Variants in VTA1 observed in about 807,000 individuals in gnomAD.
VTA1 encodes the protein vacuolar protein sorting-associated protein VTA1 homolog.
In VTA1, 24 loss-of-function variants were observed where a neutral mutation model predicts 36.9. The observed-to-expected ratio is 0.65, with a 90% CI of 0.47 to 0.91. The LOEUF (loss-of-function observed/expected upper bound fraction) is 0.91. Ranked by LOEUF, VTA1 falls within the 40% of genes least tolerant of loss-of-function variation. The pLI is 0.00. For synonymous variants in VTA1, 142 were observed against 130.2 expected (o/e 1.09, Z -0.62); for missense variants, 393 against 377.2 (o/e 1.04, Z -0.35).
intron 1 of VTA1, among the ~76,000 whole-genome samples, chr6:142,160,909 A>G (rs1774791816): frequency 6.6e-6 from 1 of 152,126 alleles, no homozygotes; most frequent in Non-Finnish European, 1.5e-5. Context: ...AAAAAGCCAG[A>G]TATTCTTACC....
intron 7 of VTA1, 90 bp from the exon 8 acceptor site, chr6:142,218,408 G>A: frequency 7.4e-7 from 1 of 1,352,850 alleles, no homozygotes; most frequent in Non-Finnish European, 1.0e-6. Flanking sequence ...CCTTAAATAT[G>A]TTTTTTAATC....
intron 5 of VTA1, among the ~76,000 whole-genome samples, chr6:142,198,159 GTGTGTATA>G (rs765235159): frequency 1.7e-5 from 2 of 115,098 alleles, no homozygotes; most frequent in Non-Finnish European, 4.1e-5. Flanking sequence ...GTGTGTGTGT[GTGTGTATA>G]TGTGTGTACA....
At position 142,198,699 on chromosome 6, in the gene VTA1, T is replaced by C. The variant is rs545026679; in HGVS notation, c.697+84T>C. 6.2e-6 allele frequency: 8 copies of C among 1,288,240 alleles called. No individual in the cohort carries two copies. The East Asian group carries it at 1.0e-4, about 16-fold the overall frequency. 79.8% of individuals were successfully genotyped at this position (1,288,240 alleles called of 1,614,324 possible). A position where few individuals can be genotyped will look rare whatever the true frequency, so the allele number is the denominator to read the frequency against. ...TTCTTATCACATATGTGCCTCATAATGATGGTCATGAAAACATGACAAGTT... is the reference window on the plus strand; with the variant it reads ...TTCTTATCACATATGTGCCTCATAACGATGGTCATGAAAACATGACAAGTT... On this transcript the variant is annotated intron_variant, in intron 6 of 7. Coordinates refer to ENST00000367630, the MANE Select transcript of VTA1 (RefSeq NM_016485.5).
intron 1 of VTA1, among the ~76,000 whole-genome samples, chr6:142,156,634 C>T (rs1778667901): frequency 6.6e-6 from 1 of 152,194 alleles, no homozygotes; most frequent in East Asian, 1.9e-4. Context: ...AAAGCTTCCT[C>T]TAGGGGGTGA....
At chr6:142,163,680 A>T (rs11969120) in intron 1 of VTA1, among the ~76,000 whole-genome samples, 1 of 152,088 alleles carries the variant, frequency 6.6e-6, no homozygotes, top group Non-Finnish European at 1.5e-5. Flanking sequence ...AGATTTTGGT[A>T]GAAGGCATGG....
At chr6:142,167,347 G>T (rs1465975337) in intron 2 of VTA1, among the ~76,000 whole-genome samples, 1 of 152,054 alleles carries the variant, frequency 6.6e-6, no homozygotes, top group East Asian at 1.9e-4. Flanking sequence ...CAAAGTCAGG[G>T]TACACTCATT....
chr6:142,201,772 G>C (rs1455075694), intron 6 of VTA1, among the ~76,000 whole-genome samples: 1 of 151,814 alleles, frequency 6.6e-6, no homozygotes, highest in Admixed American at 6.6e-5. Flanking sequence ...TCTCAACCCT[G>C]TTTCTCATGA....
chr6:142,159,234 C>T (rs892872524), intron 1 of VTA1, among the ~76,000 whole-genome samples: 7 of 151,732 alleles, frequency 4.6e-5, no homozygotes, highest in Admixed American at 6.6e-5. Context: ...CATGGTGTCC[C>T]GCACCTGTAG....
chr6:142,203,875 T>C, intron 6 of VTA1, 110 bp from the exon 7 acceptor site: 1 of 846,456 alleles, frequency 1.2e-6, no homozygotes, highest in Non-Finnish European at 1.9e-6. Context: ...TTGATGTTTC[T>C]AGAAAATAAG....
In VTA1 at chr6:142,223,327, G is replaced by C. The variant is rs1268515749; in HGVS notation, c.*4684G>C. The C allele has an allele frequency of 6.6e-6, 1 of 152,130 alleles. No homozygotes were observed. The highest frequency in any genetic ancestry group is 1.5e-5 in the Non-Finnish European group (1 of 68,016). The allele number at this position is 152,130 out of a possible 1,614,324, so 9.4% of individuals were successfully genotyped here. On this transcript the variant is annotated 3_prime_UTR_variant, in exon 8 of 8. Coordinates refer to ENST00000367630, the MANE Select transcript of VTA1 (RefSeq NM_016485.5). ...TACAATGGATTTATAGGTCATTTTG[G>C]AGAAGGTGTTCCACATCATTAGGGA... is the stretch of plus-strand genomic sequence containing the variant.
At chr6:142,198,659 AAAG>A (rs764858533) in intron 6 of VTA1, 44 bp downstream of exon 6, 15 of 1,536,958 alleles carry the variant, frequency 9.8e-6, no homozygotes, top group Middle Eastern at 1.7e-4. Context: ...CCCCTTTTAT[AAAG>A]AAGAACTGCA....
chr6:142,196,169 C>G (rs1251681995), intron 5 of VTA1, among the ~76,000 whole-genome samples: 3 of 152,142 alleles, frequency 2.0e-5, no homozygotes, highest in Non-Finnish European at 2.9e-5. Flanking sequence ...CTATATCTTG[C>G]TGATGTTCCT....
chr6:142,206,562 C>T (rs1775795225), intron 7 of VTA1, among the ~76,000 whole-genome samples: 2 of 152,130 alleles, frequency 1.3e-5, no homozygotes, highest in South Asian at 4.2e-4. Flanking sequence ...ATCAAAATCC[C>T]AGCAAGTTAT....
intron 7 of VTA1, among the ~76,000 whole-genome samples, chr6:142,205,500 G>C (rs193258557): frequency 4.4e-3 from 675 of 152,160 alleles, no homozygotes; most frequent in Non-Finnish European, 7.6e-3. Flanking sequence ...ATTTTGCCTA[G>C]CACATACCTT....
intron 1 of VTA1, among the ~76,000 whole-genome samples, chr6:142,147,618 T>A (rs936467592): frequency 1.3e-5 from 2 of 152,188 alleles, no homozygotes; most frequent in African/African-American, 4.8e-5. Flanking sequence ...GCTTAAATGC[T>A]CCAGTACTGA....
chr6:142,198,677 T>A, intron 6 of VTA1, 62 bp downstream of exon 6: 1 of 1,461,948 alleles, frequency 6.8e-7, no homozygotes. Context: ...ACTGCATTTC[T>A]TATCACATAT....
In VTA1 at chr6:142,222,511, A is replaced by G. The variant is rs917660227; in HGVS notation, c.*3868A>G. ...ATCCTCAGATGTTTTTAGAATTTAT[A>G]TATGACTTGTAATTCTAGAAATTTG... On this transcript the variant is annotated 3_prime_UTR_variant, in exon 8 of 8. Coordinates refer to ENST00000367630, the MANE Select transcript of VTA1 (RefSeq NM_016485.5). 1.3e-5 allele frequency: 2 copies of G among 152,240 alleles called. No individual in the cohort carries two copies. The highest frequency in any genetic ancestry group is 2.9e-5 in the Non-Finnish European group (2 of 68,036). 9.4% of individuals were successfully genotyped at this position (152,240 alleles called of 1,614,324 possible).
In VTA1 at chr6:142,169,664, G is replaced by T. The variant is rs1197796191; in HGVS notation, c.322G>T (p.Gly108Ter). Residue 108 changes from glycine to a stop codon, truncating the protein, a stop_gained, in exon 3 of 8, where the codon GGA becomes TGA. Coordinates refer to ENST00000367630, the MANE Select transcript of VTA1 (RefSeq NM_016485.5). LOFTEE classifies it high-confidence loss of function. ...GTATGCAGACAATGAAGATCGTGCT[G>T]GACGATTTCACAAGTAAGTAAAGAG... The part of the protein sequence containing the change: ...FLYADNEDRA[G>*]RFHKNMIKSF... 4 of 1,587,032 alleles carry T rather than the reference G, an allele frequency of 2.5e-6. No homozygotes were observed. Among genetic ancestry groups the T allele is most frequent in the African/African-American group, 1.4e-5 (1 of 73,474 alleles).
At chr6:142,193,902 C>A (rs1292020238) in intron 5 of VTA1, among the ~76,000 whole-genome samples, 1 of 151,850 alleles carries the variant, frequency 6.6e-6, no homozygotes, top group Non-Finnish European at 1.5e-5. Context: ...ACCTTCTTAC[C>A]CTTCCACAAG....
Sources: gnomAD v4.1 joint callset for allele counts (sites outside exome capture counted in the v4.1 genomes callset) on GRCh38, gnomAD v4.1.1 for gene constraint, MANE v1.5 for transcripts, NCBI Gene and HGNC (gene_info 2026-07-23, HGNC 2026-07-21) for gene names.